Variants in CAMTA1 observed in about 807,000 individuals in gnomAD.
CAMTA1 encodes calmodulin binding transcription activator 1, also known as calmodulin-binding transcription activator 1.
Under a neutral mutation model 170.9 loss-of-function variants are expected in CAMTA1, and 27 were observed. That is an observed-to-expected ratio of 0.16 (90% CI 0.12 to 0.22). The LOEUF is 0.22. Ranked by LOEUF, CAMTA1 falls within the 10% of genes least tolerant of loss-of-function variation. The pLI is 1.00. For synonymous variants in CAMTA1, 833 were observed against 891.5 expected (o/e 0.93, Z 1.17); for missense variants, 1,619 against 2,217.2 (o/e 0.73, Z 5.42).
At chr1:7,223,100 T>C (rs1661096224) in intron 4 of CAMTA1, among the ~76,000 whole-genome samples, 1 of 152,270 alleles carries the variant, frequency 6.6e-6, no homozygotes, top group African/African-American at 2.4e-5. Context: ...ACATCTTTCC[T>C]TGGGCCACAA....
chr1:7,375,639 T>C (rs2086789351), intron 5 of CAMTA1, among the ~76,000 whole-genome samples: 1 of 152,204 alleles, frequency 6.6e-6, no homozygotes, highest in Admixed American at 6.5e-5. Context: ...GGCCTTCCCC[T>C]GTGCAGGCTG....
At chr1:7,698,645 T>A (rs1284881435) in intron 11 of CAMTA1, 1 of 150,216 alleles carries the variant, frequency 6.7e-6, no homozygotes, top group Non-Finnish European at 1.5e-5. Flanking sequence ...AAGCTCCCCC[T>A]TTCCCCTGAG....
intron 5 of CAMTA1, among the ~76,000 whole-genome samples, chr1:7,461,090 C>A (rs538546143): frequency 2.0e-5 from 3 of 152,170 alleles, no homozygotes; most frequent in African/African-American, 7.2e-5. Flanking sequence ...GCCGCCCCCG[C>A]GGGTATTATC....
chr1:7,728,810 A>G (rs1428987418), intron 11 of CAMTA1, among the ~76,000 whole-genome samples: 1 of 152,226 alleles, frequency 6.6e-6, no homozygotes, highest in Non-Finnish European at 1.5e-5. Context: ...ACAAAGAGGC[A>G]TGGCATCTGG....
At chr1:7,368,559 C>T (rs2086195759) in intron 5 of CAMTA1, among the ~76,000 whole-genome samples, 1 of 152,140 alleles carries the variant, frequency 6.6e-6, no homozygotes, top group African/African-American at 2.4e-5. Flanking sequence ...TGACCCCTTC[C>T]CAGGCCCCAC....
intron 5 of CAMTA1, among the ~76,000 whole-genome samples, chr1:7,444,082 G>A (rs1488608138): frequency 4.6e-5 from 7 of 152,332 alleles, no homozygotes; most frequent in South Asian, 2.1e-4. Context: ...GAGGAAACCC[G>A]CTGGTGCTCA....
intron 6 of CAMTA1, among the ~76,000 whole-genome samples, chr1:7,616,570 G>A (rs2095560391): frequency 6.6e-6 from 1 of 152,232 alleles, no homozygotes; most frequent in South Asian, 2.1e-4. Context: ...GGCCTCGGGG[G>A]TGACTGGGGG....
At chr1:7,337,538 G>A (rs1259069637) in intron 5 of CAMTA1, among the ~76,000 whole-genome samples, 10 of 125,110 alleles carry the variant, frequency 8.0e-5, no homozygotes, top group Non-Finnish European at 1.5e-4. Flanking sequence ...AGTGTGGGCC[G>A]TGGGCTGCAT....
At chr1:7,539,868 T>C (rs1035035150) in intron 6 of CAMTA1, among the ~76,000 whole-genome samples, 5 of 152,164 alleles carry the variant, frequency 3.3e-5, no homozygotes, top group African/African-American at 9.7e-5. Flanking sequence ...GCGGGCCAGG[T>C]AGAAGGTTGG....
intron 3 of CAMTA1, among the ~76,000 whole-genome samples, chr1:7,016,276 T>A (rs1436527010): frequency 6.6e-6 from 1 of 152,190 alleles, no homozygotes. Context: ...TGGGTACGCG[T>A]CCTGTCTTAT....
rs117337400 is a variant in CAMTA1 at position 6,896,512 on chromosome 1, C to T, written c.234+71302C>T. On this transcript the variant is annotated intron_variant, in intron 3 of 22. Transcript: ENST00000303635. The stretch of plus-strand genomic sequence containing the variant: ...TTCATTTTGGGGTTAGGTAGCAAAT[C>T]TGTTAAGATAGAGATATTTGCGGAA... 5.3e-5 allele frequency among the ~76,000 whole-genome samples: 8 copies of T among 152,268 alleles called. No individual in the cohort carries two copies. In the East Asian group the frequency reaches 1.2e-3, roughly 22 times the overall value.
intron 4 of CAMTA1, among the ~76,000 whole-genome samples, chr1:7,197,494 C>A (rs1467301269): frequency 6.6e-6 from 1 of 151,822 alleles, no homozygotes; most frequent in African/African-American, 2.4e-5. Flanking sequence ...GCATCATTTC[C>A]TAAAGAGGTG....
chr1:7,743,495 C>T (rs1165796250), intron 16 of CAMTA1, among the ~76,000 whole-genome samples: 2 of 152,062 alleles, frequency 1.3e-5, no homozygotes, highest in African/African-American at 4.8e-5. Flanking sequence ...CTCTGCCCAG[C>T]CTTAGGCAAC....
rs201993613 is a variant in CAMTA1, at chr1:7,553,115, ATGAG to A, written c.510+85224_510+85227del. On this transcript the variant is annotated intron_variant, in intron 6 of 22. Transcript: ENST00000303635. The stretch of plus-strand genomic sequence containing the variant: ...TGAAGTACCTTGAGTGAATGAACGA[ATGAG>A]TGAGTGAGTAAATGAATGAGTGAAT... Among the ~76,000 whole-genome samples, 742 of 152,356 alleles carry A rather than the reference ATGAG, an allele frequency of 4.9e-3. 5 individuals carry two copies. Among genetic ancestry groups the A allele is most frequent in the African/African-American group, 0.017 (710 of 41,578 alleles).
intron 1 of CAMTA1, among the ~76,000 whole-genome samples, chr1:6,798,759 G>C (rs2148163277): frequency 7.2e-6 from 1 of 139,620 alleles, no homozygotes; most frequent in African/African-American, 2.7e-5. Flanking sequence ...ACCGCGCCCG[G>C]CTAATTTTTT....
intron 6 of CAMTA1, among the ~76,000 whole-genome samples, chr1:7,477,233 G>T (rs1345477434): frequency 6.6e-6 from 1 of 152,176 alleles, no homozygotes; most frequent in East Asian, 1.9e-4. Context: ...ATCTGGACTA[G>T]TAAACGGCAA....
intron 3 of CAMTA1, among the ~76,000 whole-genome samples, chr1:6,975,170 AT>A (rs1416326062): frequency 6.6e-6 from 1 of 152,182 alleles, no homozygotes; most frequent in Non-Finnish European, 1.5e-5. Flanking sequence ...GAAGCCGAGC[AT>A]TCCACACTGT....
At chr1:6,856,919 C>T (rs939225765) in intron 3 of CAMTA1, among the ~76,000 whole-genome samples, 1 of 151,842 alleles carries the variant, frequency 6.6e-6, no homozygotes, top group African/African-American at 2.4e-5. Flanking sequence ...AGTGGGAGGT[C>T]TCTAGAGGGT....
At chr1:7,431,563 G>A (rs1313865811) in intron 5 of CAMTA1, among the ~76,000 whole-genome samples, 1 of 151,982 alleles carries the variant, frequency 6.6e-6, no homozygotes, top group Non-Finnish European at 1.5e-5. Context: ...ATCGAAGAAG[G>A]CAGCATTCCC....
Sources: allele counts gnomAD v4.1 joint callset (sites outside exome capture counted in the v4.1 genomes callset), GRCh38; gene constraint gnomAD v4.1.1; transcripts MANE v1.5; gene names NCBI Gene and HGNC (gene_info 2026-07-23, HGNC 2026-07-21).